PCDH9: variants seen among roughly 807,000 people sequenced by gnomAD.
PCDH9 encodes the protein protocadherin 9.
Under a neutral mutation model 70.6 loss-of-function variants are expected in PCDH9, and 24 were observed. The observed-to-expected ratio is 0.34, with a 90% CI of 0.25 to 0.48. The LOEUF (loss-of-function observed/expected upper bound fraction) is 0.48. Among genes scored for constraint, PCDH9 ranks in the 20% least tolerant of loss-of-function variants. PCDH9 has a pLI of 0.99. For missense variants in PCDH9, 1,281 were observed against 1,503.6 expected (o/e 0.85, Z 2.45); for synonymous variants, 562 against 558.5 (o/e 1.01, Z -0.09).
At chr13:66,737,012 T>G (rs2079160037) in intron 3 of PCDH9, among the ~76,000 whole-genome samples, 1 of 152,190 alleles carries the variant, frequency 6.6e-6, no homozygotes, top group Non-Finnish European at 1.5e-5. Flanking sequence ...GTGTAGCCTC[T>G]ATTTTTTCCA....
intron 4 of PCDH9, among the ~76,000 whole-genome samples, chr13:66,342,368 C>A (rs569142266): frequency 6.6e-6 from 1 of 152,262 alleles, no homozygotes; most frequent in East Asian, 1.9e-4. Context: ...ATGCGTTTTA[C>A]AACTATAAAG....
chr13:67,105,222 G>A (rs2138251357), intron 2 of PCDH9, among the ~76,000 whole-genome samples: 1 of 152,164 alleles, frequency 6.6e-6, no homozygotes, highest in South Asian at 2.1e-4. Context: ...CAAAAATATA[G>A]AAGATCGTAA....
At chr13:67,225,019 G>A in intron 2 of PCDH9, 3 of 1,040,566 alleles carry the variant, frequency 2.9e-6, no homozygotes, top group Non-Finnish European at 3.5e-6. Flanking sequence ...GAGATTTGAA[G>A]GTGACTTTTT....
At position 67,173,609 on chromosome 13, in the gene PCDH9, G is replaced by A. The variant is rs546194076; in HGVS notation, c.3036+51796C>T. Among the ~76,000 whole-genome samples the A allele has an allele frequency of 3.9e-5, 6 of 152,148 alleles. No individual in the cohort carries two copies. In the East Asian group the frequency reaches 1.2e-3, roughly 29 times the overall value. On this transcript the variant is annotated intron_variant, in intron 2 of 4. Coordinates refer to ENST00000377865, the MANE Select transcript of PCDH9 (RefSeq NM_203487.3). ...TGAACTCAAATCCCAAGAGCCTCTG[G>A]TATACACTTCAGTTCGACAGAGAAA...
chr13:66,531,246 G>A (rs577857253), intron 4 of PCDH9, among the ~76,000 whole-genome samples: 7 of 151,946 alleles, frequency 4.6e-5, no homozygotes, highest in East Asian at 3.9e-4. Context: ...AGAACTCTCC[G>A]ATAATAGATA....
intron 3 of PCDH9, among the ~76,000 whole-genome samples, chr13:66,640,666 A>C (rs771949131): frequency 1.4e-4 from 21 of 152,164 alleles, no homozygotes; most frequent in Non-Finnish European, 2.5e-4. Context: ...AAGGACAGAT[A>C]ATGTTATTCC....
chr13:66,459,061 G>C (rs1456856683), intron 4 of PCDH9, among the ~76,000 whole-genome samples: 5 of 151,926 alleles, frequency 3.3e-5, no homozygotes, highest in Non-Finnish European at 5.9e-5. Context: ...AAAATATGCT[G>C]CTTTTGAGTC....
At chr13:66,447,414 A>G (rs1407105314) in intron 4 of PCDH9, among the ~76,000 whole-genome samples, 1 of 152,114 alleles carries the variant, frequency 6.6e-6, no homozygotes, top group Non-Finnish European at 1.5e-5. Context: ...ATTACCACAA[A>G]TTATGATACT....
At chr13:66,819,872 G>C (rs2080679693) in intron 3 of PCDH9, among the ~76,000 whole-genome samples, 1 of 152,044 alleles carries the variant, frequency 6.6e-6, no homozygotes, top group Non-Finnish European at 1.5e-5. Flanking sequence ...CTCCAGCCTA[G>C]GAGACAGAGC....
intron 2 of PCDH9, among the ~76,000 whole-genome samples, chr13:66,954,391 T>G (rs1335324706): frequency 6.6e-6 from 1 of 151,744 alleles, no homozygotes; most frequent in African/African-American, 2.4e-5. Context: ...AAAAACACTC[T>G]CCTAGTGATT....
At chr13:66,909,446 A>AG (rs59056988) in intron 2 of PCDH9, among the ~76,000 whole-genome samples, 1 of 151,984 alleles carries the variant, frequency 6.6e-6, no homozygotes, top group African/African-American at 2.4e-5. Flanking sequence ...AAAAAAAAAA[A>AG]CATATCCTTT....
At chr13:66,887,251 C>G (rs746226126) in intron 3 of PCDH9, among the ~76,000 whole-genome samples, 3 of 151,918 alleles carry the variant, frequency 2.0e-5, no homozygotes, top group Admixed American at 6.6e-5. Context: ...GCTTCAGTAT[C>G]ATTAGTGGGA....
intron 4 of PCDH9, among the ~76,000 whole-genome samples, chr13:66,394,053 G>A (rs1957064041): frequency 6.6e-6 from 1 of 152,140 alleles, no homozygotes; most frequent in African/African-American, 2.4e-5. Context: ...TTTTTATTTG[G>A]TAGAAATGTG....
intron 2 of PCDH9, among the ~76,000 whole-genome samples, chr13:67,126,584 T>C (rs868222493): frequency 3.2e-4 from 48 of 152,276 alleles, no homozygotes; most frequent in African/African-American, 1.1e-3. Context: ...GGCACGGTGG[T>C]TCACACCTGT....
intron 3 of PCDH9, among the ~76,000 whole-genome samples, chr13:66,684,901 G>A (rs901920896): frequency 8.5e-5 from 13 of 152,102 alleles, no homozygotes; most frequent in African/African-American, 3.1e-4. Flanking sequence ...AGTTCCTAGA[G>A]ACTTGTTGAA....
At chr13:66,748,039 C>T (rs1211695821) in intron 3 of PCDH9, among the ~76,000 whole-genome samples, 1 of 152,048 alleles carries the variant, frequency 6.6e-6, no homozygotes, top group Non-Finnish European at 1.5e-5. Context: ...TTCATTAGAC[C>T]TTCATATTTT....
chr13:66,566,922 T>C (rs973462446), intron 4 of PCDH9, among the ~76,000 whole-genome samples: 24 of 152,036 alleles, frequency 1.6e-4, no homozygotes, highest in Non-Finnish European at 2.9e-5. Flanking sequence ...TATAAGCATA[T>C]TGCAATTAGT....
intron 3 of PCDH9, among the ~76,000 whole-genome samples, chr13:66,641,392 G>A (rs1566475700): frequency 6.6e-6 from 1 of 152,166 alleles, no homozygotes; most frequent in Admixed American, 6.5e-5. Flanking sequence ...TTAATGGGAG[G>A]ATTAATTTGT....
intron 3 of PCDH9, among the ~76,000 whole-genome samples, chr13:66,891,177 T>C (rs998974036): frequency 1.5e-4 from 23 of 152,222 alleles, no homozygotes; most frequent in African/African-American, 4.6e-4. Context: ...TATTGCAAAC[T>C]ACCACCATTT....
Sources: gnomAD v4.1 joint callset for allele counts (sites outside exome capture counted in the v4.1 genomes callset) on GRCh38, gnomAD v4.1.1 for gene constraint, MANE v1.5 for transcripts, NCBI Gene and HGNC (gene_info 2026-07-23, HGNC 2026-07-21) for gene names.